PLCB4: variants seen among roughly 807,000 people sequenced by gnomAD.
PLCB4 encodes phospholipase C beta 4.
In PLCB4, 77 loss-of-function variants were observed where a neutral mutation model predicts 178.8. That is an observed-to-expected ratio of 0.43 (90% CI 0.36 to 0.52). The LOEUF is 0.52. Among genes scored for constraint, PLCB4 ranks in the 20% least tolerant of loss-of-function variants. The pLI is 0.00. For synonymous variants in PLCB4, 496 were observed against 490.8 expected (o/e 1.01, Z -0.14); for missense variants, 1,024 against 1,453.4 (o/e 0.70, Z 4.80).
intron 10 of PLCB4, among the ~76,000 whole-genome samples, chr20:9,371,932 G>A (rs1011618844): frequency 7.2e-5 from 11 of 152,178 alleles, no homozygotes; most frequent in African/African-American, 2.4e-4. Context: ...CACAAAATAA[G>A]CATAATTAAA....
intron 12 of PLCB4, among the ~76,000 whole-genome samples, chr20:9,374,690 T>G (rs923804896): frequency 6.6e-6 from 1 of 152,184 alleles, no homozygotes; most frequent in African/African-American, 2.4e-5. Flanking sequence ...ATGAAGCAAC[T>G]CTTAGGTCTT....
At chr20:9,141,631 G>A (rs2092493035) in intron 2 of PLCB4, among the ~76,000 whole-genome samples, 1 of 152,054 alleles carries the variant, frequency 6.6e-6, no homozygotes, top group Non-Finnish European at 1.5e-5. Flanking sequence ...CACTCCATAT[G>A]TATCTCCGTG....
At position 9,438,168 on chromosome 20, in the gene PLCB4, C is replaced by T. The variant is rs570107965; in HGVS notation, c.2764+1016C>T. On this transcript the variant is annotated intron_variant, in intron 30 of 39. Coordinates refer to ENST00000378473, the MANE Select transcript of PLCB4 (RefSeq NM_001377142.1). Reference sequence around the variant, plus strand: ...GATCATGAGGTCAGGAGATCGAGACCATCCTGGCTAACATGTTGAAACCCC... The same window carrying T: ...GATCATGAGGTCAGGAGATCGAGACTATCCTGGCTAACATGTTGAAACCCC... Among the ~76,000 whole-genome samples the T allele has an allele frequency of 4.6e-5, 7 of 152,022 alleles. No homozygotes were observed. The East Asian group carries it at 1.4e-3, about 29-fold the overall frequency.
At chr20:9,118,748 G>A (rs1299924243) in intron 2 of PLCB4, among the ~76,000 whole-genome samples, 1 of 152,154 alleles carries the variant, frequency 6.6e-6, no homozygotes, top group African/African-American at 2.4e-5. Context: ...ATTTTATTTA[G>A]CATGTGTAAG....
chr20:9,413,149 C>G (rs999075645), intron 25 of PLCB4, among the ~76,000 whole-genome samples: 1 of 152,156 alleles, frequency 6.6e-6, no homozygotes, highest in African/African-American at 2.4e-5. Context: ...TTACAGGACC[C>G]GTCGGGCATG....
At chr20:9,298,956 G>A (rs1041637008) in intron 3 of PLCB4, among the ~76,000 whole-genome samples, 1 of 151,990 alleles carries the variant, frequency 6.6e-6, no homozygotes, top group Non-Finnish European at 1.5e-5. Context: ...TTGTAGCCCA[G>A]AATTCATTAA....
rs1261247224 is a variant in PLCB4 at position 9,221,695 on chromosome 20, G to A, written c.-16+4243G>A. On this transcript the variant is annotated intron_variant, in intron 3 of 39. Transcript: ENST00000378473. ...TAATTGCAGTGTTGGGAGACACCTA[G>A]GTAATTTTCAGTGAGTAGAATTTCT... Among the ~76,000 whole-genome samples, 3 of 152,128 alleles carry A rather than the reference G, an allele frequency of 2.0e-5. No homozygotes were observed. In the East Asian group the frequency reaches 5.8e-4, roughly 29 times the overall value.
chr20:9,122,092 A>G (rs888221136), intron 2 of PLCB4, among the ~76,000 whole-genome samples: 14 of 152,132 alleles, frequency 9.2e-5, no homozygotes, highest in African/African-American at 3.4e-4. Flanking sequence ...TTAATATTTA[A>G]TGGCAAGTTT....
chr20:9,205,380 A>G (rs1290814903), intron 2 of PLCB4, among the ~76,000 whole-genome samples: 1 of 152,248 alleles, frequency 6.6e-6, no homozygotes, highest in African/African-American at 2.4e-5. Context: ...TTTTCAACTT[A>G]GGATGGATTT....
At chr20:9,079,735 TAAATTGAAATTG>T (rs993823344) in intron 1 of PLCB4, among the ~76,000 whole-genome samples, 2 of 152,214 alleles carry the variant, frequency 1.3e-5, no homozygotes, top group African/African-American at 4.8e-5. Flanking sequence ...CTACAGTGAT[TAAATTGAAATTG>T]AAATTGAAAT....
intron 18 of PLCB4, 65 bp downstream of exon 18, chr20:9,393,743 A>G (rs113478234): frequency 3.7e-6 from 4 of 1,089,056 alleles, no homozygotes; most frequent in Non-Finnish European, 5.6e-6. Flanking sequence ...TCAGCTGTTG[A>G]GAATTCAATT....
At chr20:9,145,064 C>T (rs1195059316) in intron 2 of PLCB4, among the ~76,000 whole-genome samples, 1 of 152,090 alleles carries the variant, frequency 6.6e-6, no homozygotes, top group African/African-American at 2.4e-5. Flanking sequence ...GCTGTGTTTG[C>T]ACTCATTTCT....
intron 16 of PLCB4, 31 bp from the exon 17 acceptor site, chr20:9,390,500 G>T: frequency 8.8e-7 from 1 of 1,133,360 alleles, no homozygotes; most frequent in South Asian, 1.3e-5. Context: ...ATGGGTGTTT[G>T]AATTTACAAA....
intron 7 of PLCB4, among the ~76,000 whole-genome samples, chr20:9,348,632 C>CGTTTGTTT (rs199929335): frequency 2.0e-5 from 3 of 151,916 alleles, no homozygotes; most frequent in Admixed American, 6.6e-5. Flanking sequence ...AAAAGGTCTA[C>CGTTTGTTT]GTTTGTTTGT....
At chr20:9,213,134 T>TA in intron 2 of PLCB4, among the ~76,000 whole-genome samples, 1 of 125,182 alleles carries the variant, frequency 8.0e-6, no homozygotes, top group South Asian at 2.5e-4. Flanking sequence ...CATACTTTTT[T>TA]TTTTTTTTTT....
chr20:9,445,752 T>C (rs2042377330), intron 32 of PLCB4, among the ~76,000 whole-genome samples: 1 of 152,334 alleles, frequency 6.6e-6, no homozygotes, highest in African/African-American at 2.4e-5. Flanking sequence ...AGTAGGGGCT[T>C]CAATGTTGTT....
chr20:9,151,018 C>T (rs925780783), intron 2 of PLCB4, among the ~76,000 whole-genome samples: 10 of 152,056 alleles, frequency 6.6e-5, no homozygotes, highest in African/African-American at 2.4e-4. Flanking sequence ...TTCTGGGTTT[C>T]CCTGAGGAAA....
rs555261078 is a variant in PLCB4 at position 9,438,230 on chromosome 20, G to A, written c.2764+1078G>A. Among the ~76,000 whole-genome samples, 244 of 152,240 alleles carry A rather than the reference G, an allele frequency of 1.6e-3. 1 individual carries two copies. Among genetic ancestry groups the A allele is most frequent in the African/African-American group, 5.4e-3 (224 of 41,564 alleles). On this transcript the variant is annotated intron_variant, in intron 30 of 39. Transcript: ENST00000378473. ...AAATACAAAAAATTAGCCAGGCATGGTGGCGAGCCCCTGTAGTCCCAGCTG... is the reference window on the plus strand; with the variant it reads ...AAATACAAAAAATTAGCCAGGCATGATGGCGAGCCCCTGTAGTCCCAGCTG...
intron 32 of PLCB4, among the ~76,000 whole-genome samples, chr20:9,452,115 A>G (rs2042805761): frequency 2.0e-5 from 3 of 152,226 alleles, no homozygotes; most frequent in Admixed American, 2.0e-4. Context: ...AAAGACAAGA[A>G]TGCTGAGGCC....
Sources: allele counts gnomAD v4.1 joint callset (sites outside exome capture counted in the v4.1 genomes callset), GRCh38; gene constraint gnomAD v4.1.1; transcripts MANE v1.5; gene names NCBI Gene and HGNC (gene_info 2026-07-23, HGNC 2026-07-21).